The following IGF1R variants were observed in gnomAD, a reference collection of about 807,000 sequenced individuals.
IGF1R encodes insulin-like growth factor 1 receptor.
Under a neutral mutation model 144.6 loss-of-function variants are expected in IGF1R, and 44 were observed. The observed-to-expected ratio is 0.30, with a 90% CI of 0.24 to 0.39. IGF1R has a LOEUF of 0.39. Among genes scored for constraint, IGF1R ranks in the 10% least tolerant of loss-of-function variants. The pLI is 1.00. For synonymous variants in IGF1R, 795 were observed against 722.8 expected (o/e 1.10, Z -1.60); for missense variants, 1,355 against 1,833.7 (o/e 0.74, Z 4.77).
intron 3 of IGF1R, among the ~76,000 whole-genome samples, chr15:98,892,167 C>T (rs2013956736): frequency 1.3e-5 from 2 of 152,162 alleles, no homozygotes; most frequent in Admixed American, 1.3e-4. Flanking sequence ...GCACTTCCTT[C>T]CTCTCATCCC....
At chr15:98,816,456 C>T (rs971265482) in intron 2 of IGF1R, among the ~76,000 whole-genome samples, 1 of 152,184 alleles carries the variant, frequency 6.6e-6, no homozygotes, top group African/African-American at 2.4e-5. Flanking sequence ...AAATGTCAAC[C>T]CTAGCCGGCC....
intron 2 of IGF1R, among the ~76,000 whole-genome samples, chr15:98,732,844 C>T (rs1374481118): frequency 1.3e-5 from 2 of 151,990 alleles, no homozygotes; most frequent in Admixed American, 6.5e-5. Context: ...GACCTGGCTG[C>T]AGAGAGGGAG....
At chr15:98,945,357 G>T (rs559352193) in intron 19 of IGF1R, among the ~76,000 whole-genome samples, 1 of 152,312 alleles carries the variant, frequency 6.6e-6, no homozygotes, top group East Asian at 1.9e-4. Context: ...ATCCCCTCCT[G>T]GTGTGGGGAA....
At chr15:98,877,462 G>C (rs2013114607) in intron 2 of IGF1R, among the ~76,000 whole-genome samples, 1 of 138,798 alleles carries the variant, frequency 7.2e-6, no homozygotes, top group Admixed American at 7.5e-5. Flanking sequence ...CTGGCATTGG[G>C]AAAGAAAGAA....
intron 2 of IGF1R, among the ~76,000 whole-genome samples, chr15:98,757,930 G>A (rs918597601): frequency 6.6e-6 from 1 of 152,136 alleles, no homozygotes; most frequent in Non-Finnish European, 1.5e-5. Flanking sequence ...TATTTTCAAA[G>A]CTACCGGTGC....
chr15:98,952,993 AG>A (rs2016837526), intron 20 of IGF1R: 3 of 152,198 alleles, frequency 2.0e-5, no homozygotes, highest in Admixed American at 2.0e-4. Context: ...CTGAGAAAGG[AG>A]GGTTCTAGCA....
Position 98,810,749 on chromosome 15 carries a change from C to T in IGF1R, c.641-80576C>T, listed in dbSNP as rs746172730. Among the ~76,000 whole-genome samples, 451 of 151,868 alleles carry T rather than the reference C, an allele frequency of 3.0e-3. 8 individuals carry two copies. Among genetic ancestry groups the T allele is most frequent in the Non-Finnish European group, 1.1e-3 (73 of 67,906 alleles). On this transcript the variant is annotated intron_variant, in intron 2 of 20. Coordinates refer to ENST00000650285, the MANE Select transcript of IGF1R (RefSeq NM_000875.5). Reference sequence around the variant, plus strand: ...ATTTTTAGTAGAGACGGGGTTTCACCGTGTTAGCCAGGATGGTCTTGATCT... The same window carrying T: ...ATTTTTAGTAGAGACGGGGTTTCACTGTGTTAGCCAGGATGGTCTTGATCT...
intron 2 of IGF1R, among the ~76,000 whole-genome samples, chr15:98,746,655 G>T (rs1596261316): frequency 6.6e-6 from 1 of 152,284 alleles, no homozygotes; most frequent in East Asian, 1.9e-4. Flanking sequence ...ACATGAACTT[G>T]TTCTCCTTTG....
At chr15:98,842,024 T>G (rs1447349242) in intron 2 of IGF1R, among the ~76,000 whole-genome samples, 3 of 152,244 alleles carry the variant, frequency 2.0e-5, no homozygotes, top group African/African-American at 7.2e-5. Flanking sequence ...AGTGTTCTTT[T>G]GTGTTTTGCT....
intron 1 of IGF1R, among the ~76,000 whole-genome samples, chr15:98,689,914 C>T (rs1272173213): frequency 3.3e-5 from 5 of 152,190 alleles, no homozygotes. Context: ...GAGAGGGATC[C>T]TGTGCCATCA....
intron 1 of IGF1R, among the ~76,000 whole-genome samples, chr15:98,700,551 C>T (rs1240815716): frequency 1.3e-5 from 2 of 152,180 alleles, no homozygotes; most frequent in African/African-American, 4.8e-5. Context: ...TTTAACAGTT[C>T]CTTCAAGTGG....
intron 2 of IGF1R, among the ~76,000 whole-genome samples, chr15:98,712,256 C>T (rs75541116): frequency 0.033 from 5,013 of 152,250 alleles, 100 homozygotes; most frequent in East Asian, 0.056. Flanking sequence ...TCATTCATAT[C>T]CATCCCAGAA....
At chr15:98,776,796 T>G (rs2055727655) in intron 2 of IGF1R, among the ~76,000 whole-genome samples, 2 of 152,178 alleles carry the variant, frequency 1.3e-5, no homozygotes, top group South Asian at 4.1e-4. Flanking sequence ...TTTCCACAGA[T>G]AAGCCCAAAA....
chr15:98,815,024 C>A (rs2056666363), intron 2 of IGF1R, among the ~76,000 whole-genome samples: 1 of 151,944 alleles, frequency 6.6e-6, no homozygotes, highest in Admixed American at 6.6e-5. Flanking sequence ...TTTTTTCTTA[C>A]CAGAAAAATA....
At chr15:98,883,239 C>T (rs982327080) in intron 2 of IGF1R, among the ~76,000 whole-genome samples, 9 of 152,232 alleles carry the variant, frequency 5.9e-5, no homozygotes, top group East Asian at 5.8e-4. Context: ...GCTGCAGCTC[C>T]AGGCAGAAAC....
At chr15:98,699,819 C>T (rs1005431308) in intron 1 of IGF1R, among the ~76,000 whole-genome samples, 15 of 152,256 alleles carry the variant, frequency 9.9e-5, no homozygotes, top group Middle Eastern at 3.4e-3. Flanking sequence ...GGTGGCTCTG[C>T]GGCAGTAAAA....
chr15:98,747,988 A>G (rs2054911642), intron 2 of IGF1R, among the ~76,000 whole-genome samples: 1 of 152,196 alleles, frequency 6.6e-6, no homozygotes, highest in Non-Finnish European at 1.5e-5. Context: ...TCGGTAATAT[A>G]TTTGGAAGAG....
chr15:98,883,051 C>T (rs1022505571), intron 2 of IGF1R, among the ~76,000 whole-genome samples: 1 of 152,206 alleles, frequency 6.6e-6, no homozygotes, highest in Non-Finnish European at 1.5e-5. Context: ...TCCATTCTGA[C>T]CATAAAGTGT....
chr15:98,687,106 T>G (rs7168213), intron 1 of IGF1R, among the ~76,000 whole-genome samples: 20,470 of 152,204 alleles, frequency 0.13, 2,802 homozygotes, highest in African/African-American at 0.35. Context: ...AGCAACTGAT[T>G]ACTTCCTTGT....
Sources: allele counts gnomAD v4.1 joint callset (sites outside exome capture counted in the v4.1 genomes callset), GRCh38; gene constraint gnomAD v4.1.1; transcripts MANE v1.5; gene names NCBI Gene and HGNC (gene_info 2026-07-23, HGNC 2026-07-21).